Variants in MCC observed in about 807,000 individuals in gnomAD.
The protein encoded by MCC is MCC regulator of Wnt signaling pathway.
Under a neutral mutation model 116.2 loss-of-function variants are expected in MCC, and 90 were observed. That is an observed-to-expected ratio of 0.77 (90% CI 0.65 to 0.92). MCC has a LOEUF of 0.92. Ranked by LOEUF, MCC falls within the 40% of genes least tolerant of loss-of-function variation. The pLI, the probability that MCC is intolerant of heterozygous loss-of-function variation, is 0.00. For missense variants in MCC, 1,516 were observed against 1,312.2 expected (o/e 1.16, Z -2.40); for synonymous variants, 578 against 510.5 (o/e 1.13, Z -1.78).
chr5:113,361,765 G>C (rs1401454243), intron 2 of MCC, among the ~76,000 whole-genome samples: 4 of 152,216 alleles, frequency 2.6e-5, no homozygotes, highest in Non-Finnish European at 5.9e-5. Flanking sequence ...GGAACAAAGA[G>C]AAAAGCTATA....
intron 3 of MCC, among the ~76,000 whole-genome samples, chr5:113,296,826 G>A (rs1288738779): frequency 6.6e-6 from 1 of 152,102 alleles, no homozygotes; most frequent in Non-Finnish European, 1.5e-5. Context: ...ATAGGCTAGT[G>A]TTGAATGTGA....
chr5:113,129,010 T>C (rs1001737759), intron 5 of MCC, among the ~76,000 whole-genome samples: 3 of 152,158 alleles, frequency 2.0e-5, no homozygotes, highest in African/African-American at 7.2e-5. Context: ...CCTGAAATCT[T>C]AGTGGTCAGA....
intron 17 of MCC, among the ~76,000 whole-genome samples, chr5:113,029,357 A>G (rs1272738311): frequency 6.7e-6 from 1 of 150,256 alleles, no homozygotes; most frequent in African/African-American, 2.5e-5. Flanking sequence ...CCTTTCTACT[A>G]TTGGCATACC....
At chr5:113,333,804 T>TATGTATATATATGTATAC in intron 3 of MCC, among the ~76,000 whole-genome samples, 1 of 108,056 alleles carries the variant, frequency 9.3e-6, no homozygotes, top group African/African-American at 3.7e-5. Context: ...TATATATGTA[T>TATGTATATATATGTATAC]ATATGTATAT....
chr5:113,054,088 G>A, intron 14 of MCC, 129 bp from the exon 15 acceptor site: 1 of 663,498 alleles, frequency 1.5e-6, no homozygotes, highest in Non-Finnish European at 2.6e-6. Flanking sequence ...CCAAAAATCA[G>A]TTTTCTTCAC....
intron 5 of MCC, among the ~76,000 whole-genome samples, chr5:113,134,778 A>G (rs939052927): frequency 2.0e-5 from 3 of 151,586 alleles, no homozygotes; most frequent in Admixed American, 2.0e-4. Context: ...TAGGATATAA[A>G]TAACTCCCAC....
intron 3 of MCC, among the ~76,000 whole-genome samples, chr5:113,252,270 G>T (rs775840794): frequency 6.6e-6 from 1 of 152,178 alleles, no homozygotes; most frequent in Non-Finnish European, 1.5e-5. Flanking sequence ...GTACGAGGCC[G>T]CAAAGCAGGA....
At chr5:113,485,557 T>C (rs1255641027) in intron 1 of MCC, among the ~76,000 whole-genome samples, 2 of 151,266 alleles carry the variant, frequency 1.3e-5, no homozygotes, top group Non-Finnish European at 2.9e-5. Flanking sequence ...CACTTCCTTT[T>C]ACATCTTCTT....
At chr5:113,210,199 A>C (rs114866696) in intron 3 of MCC, among the ~76,000 whole-genome samples, 1,880 of 137,578 alleles carry the variant, frequency 0.014, 43 homozygotes, top group African/African-American at 0.042. Flanking sequence ...TCAACAGTAC[A>C]ACTTTTCCCC....
intron 8 of MCC, among the ~76,000 whole-genome samples, chr5:113,098,062 C>G (rs996685273): frequency 8.5e-5 from 13 of 152,204 alleles, no homozygotes; most frequent in African/African-American, 2.7e-4. Context: ...TCTAGAAAAT[C>G]TCAGAAGGAA....
chr5:113,028,794 G>A, intron 18 of MCC, 140 bp downstream of exon 18: 1 of 970,810 alleles, frequency 1.0e-6, no homozygotes, highest in East Asian at 2.6e-5. Flanking sequence ...AGAGAGCCAG[G>A]TAGGGACTCA....
chr5:113,136,615 T>G (rs959687773), intron 5 of MCC, among the ~76,000 whole-genome samples: 2 of 152,216 alleles, frequency 1.3e-5, no homozygotes, highest in African/African-American at 4.8e-5. Context: ...TTGTAGCTAT[T>G]GTAAATGGAA....
At chr5:113,071,336 T>G in intron 11 of MCC, 102 bp from the exon 12 acceptor site, 1 of 1,256,866 alleles carries the variant, frequency 8.0e-7, no homozygotes, top group South Asian at 1.5e-5. Flanking sequence ...TGTGAGGATG[T>G]GGGCCTGTCA....
At chr5:113,421,619 T>C (rs937617280) in intron 1 of MCC, among the ~76,000 whole-genome samples, 2 of 152,230 alleles carry the variant, frequency 1.3e-5, no homozygotes, top group African/African-American at 4.8e-5. Context: ...CTTTCGCTCA[T>C]CTGGGTCAGA....
chr5:113,263,144 C>G (rs1380186678), intron 3 of MCC, among the ~76,000 whole-genome samples: 2 of 152,148 alleles, frequency 1.3e-5, no homozygotes, highest in Non-Finnish European at 2.9e-5. Flanking sequence ...CCCTAATAAG[C>G]AGGAGAGTGC....
At chr5:113,137,032 T>G (rs1758876978) in intron 5 of MCC, among the ~76,000 whole-genome samples, 1 of 152,154 alleles carries the variant, frequency 6.6e-6, no homozygotes, top group Admixed American at 6.5e-5. Context: ...TGTGTATTAG[T>G]CTGTTCTCAC....
intron 12 of MCC, among the ~76,000 whole-genome samples, chr5:113,068,740 T>C (rs1351227064): frequency 6.6e-6 from 1 of 152,234 alleles, no homozygotes; most frequent in Non-Finnish European, 1.5e-5. Context: ...GAGGTCCACA[T>C]GGTGAGTAAT....
At chr5:113,392,014 G>T (rs1393889315) in intron 1 of MCC, among the ~76,000 whole-genome samples, 1 of 152,184 alleles carries the variant, frequency 6.6e-6, no homozygotes, top group African/African-American at 2.4e-5. Flanking sequence ...ATATGACAAA[G>T]ATTGTATTTA....
intron 1 of MCC, among the ~76,000 whole-genome samples, chr5:113,445,711 C>T (rs192458930): frequency 4.8e-4 from 73 of 152,090 alleles, no homozygotes; most frequent in African/African-American, 1.7e-3. Context: ...AAACACCAAA[C>T]TATCAATGTT....
Sources: gnomAD v4.1 joint callset for allele counts (sites outside exome capture counted in the v4.1 genomes callset) on GRCh38, gnomAD v4.1.1 for gene constraint, MANE v1.5 for transcripts, NCBI Gene and HGNC (gene_info 2026-07-23, HGNC 2026-07-21) for gene names.